The following PIWIL2 variants were observed in gnomAD, a reference collection of about 807,000 sequenced individuals.
PIWIL2 encodes the protein piwi-like protein 2.
Under a neutral mutation model 116.5 loss-of-function variants are expected in PIWIL2, and 81 were observed. That is an observed-to-expected ratio of 0.70 (90% CI 0.58 to 0.84). The LOEUF is 0.84. Ranked by LOEUF, PIWIL2 falls within the 40% of genes least tolerant of loss-of-function variation. The pLI is 0.00. For missense variants in PIWIL2, 1,272 were observed against 1,212.3 expected (o/e 1.05, Z -0.73); for synonymous variants, 489 against 429.5 (o/e 1.14, Z -1.71).
chr8:22,323,279 C>T (rs1831648383), intron 20 of PIWIL2, among the ~76,000 whole-genome samples: 1 of 151,360 alleles, frequency 6.6e-6, no homozygotes, highest in African/African-American at 2.4e-5. Context: ...TCCCGAGTAG[C>T]TGGGACTATA....
At chr8:22,342,289 T>C (rs1832128588) in intron 20 of PIWIL2, among the ~76,000 whole-genome samples, 1 of 152,224 alleles carries the variant, frequency 6.6e-6, no homozygotes, top group Non-Finnish European at 1.5e-5. Flanking sequence ...CAGCAAGTTA[T>C]TTTGTGGATA....
At position 22,304,345 on chromosome 8, in the gene PIWIL2, CTGAA is replaced by C. The variant is rs1314756375; in HGVS notation, c.1370+140_1370+143del. 6.5e-6 allele frequency: 4 copies of C among 611,002 alleles called. No homozygotes were observed. The Admixed American group carries it at 8.4e-5, about 13-fold the overall frequency. The allele number at this position is 611,002 out of a possible 1,614,324, so 37.8% of individuals were successfully genotyped here. Reference sequence around the variant, plus strand: ...AATTGAATTGGTAATGTGTCTAACACTGAATGAGCTTGTTTGTGGGATTTGACTT... The same window carrying C: ...AATTGAATTGGTAATGTGTCTAACACTGAGCTTGTTTGTGGGATTTGACTT... On this transcript the variant is annotated intron_variant, in intron 11 of 22. Coordinates refer to ENST00000356766, the MANE Select transcript of PIWIL2 (RefSeq NM_018068.5).
At chr8:22,331,142 G>A (rs1405353328) in intron 20 of PIWIL2, among the ~76,000 whole-genome samples, 2 of 151,854 alleles carry the variant, frequency 1.3e-5, no homozygotes, top group East Asian at 3.9e-4. Flanking sequence ...TGCCAATGCA[G>A]TCCAGCCTAA....
At chr8:22,319,375 C>A (rs1349087397) in intron 20 of PIWIL2, among the ~76,000 whole-genome samples, 1 of 152,162 alleles carries the variant, frequency 6.6e-6, no homozygotes, top group African/African-American at 2.4e-5. Context: ...ACCAGACTTT[C>A]CTTTTTGTTG....
At chr8:22,293,635 G>A (rs1830817717) in intron 10 of PIWIL2, among the ~76,000 whole-genome samples, 1 of 152,106 alleles carries the variant, frequency 6.6e-6, no homozygotes, top group Non-Finnish European at 1.5e-5. Context: ...TATTTTCAGT[G>A]TTTCAAACTC....
Position 22,279,586 on chromosome 8 carries a change from TAA to T in PIWIL2, c.198+3_198+4del. 1 of 1,613,526 alleles carries T rather than the reference TAA, an allele frequency of 6.2e-7. No homozygotes were observed. The highest frequency in any genetic ancestry group is 1.3e-5 in the African/African-American group (1 of 75,032). ...ACACAGAGGGGGCCAGCACAAAGGGTAAGACCACTTCCGGATGCATAGGAGTG... is the reference window on the plus strand; with the variant it reads ...ACACAGAGGGGGCCAGCACAAAGGGTGACCACTTCCGGATGCATAGGAGTG... On this transcript the variant is annotated splice_donor_region_variant and intron_variant, in intron 2 of 22. Coordinates refer to ENST00000356766, the MANE Select transcript of PIWIL2 (RefSeq NM_018068.5).
In PIWIL2 at chr8:22,355,901, G is replaced by A. The variant is rs532524717; in HGVS notation, c.*396G>A. On this transcript the variant is annotated 3_prime_UTR_variant, in exon 23 of 23. Coordinates refer to ENST00000356766, the MANE Select transcript of PIWIL2 (RefSeq NM_018068.5). ...ATCCTGGCCAACATGGTGAAACCCC[G>A]TCTCTACTAAAATACAAAAAAATTA... 53 of 183,912 alleles carry A rather than the reference G, an allele frequency of 2.9e-4. No individual in the cohort carries two copies. Among genetic ancestry groups the A allele is most frequent in the African/African-American group, 1.2e-3 (51 of 43,190 alleles). 11.4% of individuals were successfully genotyped at this position (183,912 alleles called of 1,614,324 possible). A position where few individuals can be genotyped will look rare whatever the true frequency, so the allele number is the denominator to read the frequency against.
At chr8:22,327,741 C>T (rs980431364) in intron 20 of PIWIL2, among the ~76,000 whole-genome samples, 2 of 152,232 alleles carry the variant, frequency 1.3e-5, no homozygotes, top group Admixed American at 1.3e-4. Context: ...TGTTGAACAT[C>T]CTTCATGTGC....
In PIWIL2 at chr8:22,351,535, T is replaced by G. The variant is rs1365064983; in HGVS notation, c.2404-1424T>G. On this transcript the variant is annotated intron_variant, in intron 20 of 22. Coordinates refer to ENST00000356766, the MANE Select transcript of PIWIL2 (RefSeq NM_018068.5). ...TTAGGTTTTTTTGGTGTTTTTTTTTTGTTTTTTTGTTTTTTGTTTTGAGAC... is the reference window on the plus strand; with the variant it reads ...TTAGGTTTTTTTGGTGTTTTTTTTTGGTTTTTTTGTTTTTTGTTTTGAGAC... Among the ~76,000 whole-genome samples the G allele has an allele frequency of 4.4e-4, 60 of 136,016 alleles. 1 individual carries two copies. Among genetic ancestry groups the G allele is most frequent in the African/African-American group, 1.4e-3 (53 of 37,960 alleles). 89.2% of individuals were successfully genotyped at this position (136,016 alleles called of 152,430 possible).
intron 20 of PIWIL2, among the ~76,000 whole-genome samples, chr8:22,327,367 TC>T (rs1479400472): frequency 1.4e-5 from 2 of 145,954 alleles, no homozygotes; most frequent in Admixed American, 1.4e-4. Flanking sequence ...GTTTTTTGTT[TC>T]GTTTTTTTTT....
chr8:22,278,183 G>A (rs1381521167), intron 1 of PIWIL2, among the ~76,000 whole-genome samples: 1 of 150,336 alleles, frequency 6.7e-6, no homozygotes, highest in Non-Finnish European at 1.5e-5. Context: ...AAAAAGGGGG[G>A]GAGGAAAAGA....
intron 5 of PIWIL2, among the ~76,000 whole-genome samples, chr8:22,283,645 G>A (rs1346946130): frequency 1.3e-5 from 2 of 152,098 alleles, no homozygotes; most frequent in African/African-American, 2.4e-5. Context: ...TCCTGACCTC[G>A]TGATCCACCC....
At chr8:22,310,147 T>C in intron 15 of PIWIL2, 73 bp downstream of exon 15, 2 of 771,376 alleles carry the variant, frequency 2.6e-6, no homozygotes, top group South Asian at 3.3e-5. Context: ...GCAGGAATGA[T>C]CTAGAGTCTT....
chr8:22,295,286 G>C (rs1830870635), intron 10 of PIWIL2, among the ~76,000 whole-genome samples: 3 of 151,822 alleles, frequency 2.0e-5, no homozygotes, highest in African/African-American at 7.3e-5. Flanking sequence ...TGATCTTTCT[G>C]CCTCAGCTTC....
At chr8:22,294,336 T>TAAA (rs71544871) in intron 10 of PIWIL2, among the ~76,000 whole-genome samples, 8 of 80,676 alleles carry the variant, frequency 9.9e-5, no homozygotes, top group Non-Finnish European at 1.8e-4. Context: ...AGACTGTCTT[T>TAAA]AAAAAAAAAA....
At chr8:22,293,338 T>A (rs67983141) in intron 10 of PIWIL2, among the ~76,000 whole-genome samples, 67,000 of 140,974 alleles carry the variant, frequency 0.48, 16,255 homozygotes, top group East Asian at 0.81. Flanking sequence ...TTTATTTTCC[T>A]TTTTTTTTTG....
chr8:22,292,880 C>G (rs567067739), intron 10 of PIWIL2, among the ~76,000 whole-genome samples: 29 of 152,286 alleles, frequency 1.9e-4, no homozygotes, highest in African/African-American at 6.7e-4. Context: ...AGATAAAGAT[C>G]TTAGTTTCTA....
intron 20 of PIWIL2, among the ~76,000 whole-genome samples, chr8:22,318,645 A>C (rs927824884): frequency 9.2e-5 from 14 of 152,132 alleles, no homozygotes; most frequent in African/African-American, 3.4e-4. Flanking sequence ...AGGATTACCT[A>C]TGTGAACACT....
intron 4 of PIWIL2, 113 bp from the exon 5 acceptor site, chr8:22,282,921 T>C: frequency 1.2e-6 from 1 of 819,978 alleles, no homozygotes; most frequent in East Asian, 2.5e-5. Context: ...AATTTGAAAC[T>C]TGGATCCCTT....
Sources: gnomAD v4.1 joint callset for allele counts (sites outside exome capture counted in the v4.1 genomes callset) on GRCh38, gnomAD v4.1.1 for gene constraint, MANE v1.5 for transcripts, NCBI Gene and HGNC (gene_info 2026-07-23, HGNC 2026-07-21) for gene names.